DNAI3: variants seen among roughly 807,000 people sequenced by gnomAD.
DNAI3 encodes the protein WD repeat domain 63.
A neutral mutation model predicts 115.5 loss-of-function variants in DNAI3; 83 were observed. The observed-to-expected ratio is 0.72, with a 90% CI of 0.60 to 0.86. DNAI3 has a LOEUF of 0.86. DNAI3 is among the 40% of genes least tolerant of loss of function. DNAI3 has a pLI of 0.00. For synonymous variants in DNAI3, 320 were observed against 347.0 expected, an observed-to-expected ratio of 0.92 and a Z score of 0.86; for missense variants, 1,004 against 1,075.8, an observed-to-expected ratio of 0.93 and a Z score of 0.93.
intron 5 of DNAI3, among the ~76,000 whole-genome samples, chr1:85,082,843 C>G (rs1173538374): frequency 6.6e-6 from 1 of 152,070 alleles, no homozygotes; most frequent in African/African-American, 2.4e-5. Context: ...GCAGATTTGC[C>G]CTTCGTTGAC....
chr1:85,115,416 A>C (rs1346697197), intron 16 of DNAI3, among the ~76,000 whole-genome samples: 1 of 152,228 alleles, frequency 6.6e-6, no homozygotes, highest in Admixed American at 6.5e-5. Flanking sequence ...GTGAGGACTG[A>C]ATGAAATGGT....
intron 14 of DNAI3, among the ~76,000 whole-genome samples, chr1:85,107,801 CT>C (rs1336548373): frequency 7.9e-5 from 12 of 152,084 alleles, no homozygotes; most frequent in African/African-American, 2.9e-4. Flanking sequence ...TTGCATCAAA[CT>C]CAATTCTCAT....
chr1:85,100,339 A>C (rs945520708), intron 13 of DNAI3, among the ~76,000 whole-genome samples: 1 of 152,270 alleles, frequency 6.6e-6, no homozygotes, highest in African/African-American at 2.4e-5. Flanking sequence ...TCTCAAAAGA[A>C]GACATTTATG....
At chr1:85,067,911 T>C (rs1321731552) in intron 1 of DNAI3, among the ~76,000 whole-genome samples, 1 of 152,240 alleles carries the variant, frequency 6.6e-6, no homozygotes, top group Non-Finnish European at 1.5e-5. Context: ...GTGAGACCTG[T>C]GTCAGATATC....
At chr1:85,074,301 C>T (rs1408841266) in intron 3 of DNAI3, among the ~76,000 whole-genome samples, 1 of 152,212 alleles carries the variant, frequency 6.6e-6, no homozygotes, top group Non-Finnish European at 1.5e-5. Context: ...CATGCTTAAA[C>T]TCCTCTTTCT....
intron 19 of DNAI3, among the ~76,000 whole-genome samples, chr1:85,126,196 C>T (rs972508865): frequency 6.6e-6 from 1 of 152,168 alleles, no homozygotes; most frequent in African/African-American, 2.4e-5. Context: ...TAATGTCCAC[C>T]AATTTCCACA....
chr1:85,085,820 A>T lies in DNAI3; in HGVS notation c.541-11A>T, dbSNP rs199670893. On this transcript the variant is annotated splice_polypyrimidine_tract_variant and intron_variant, in intron 6 of 22. Coordinates refer to ENST00000294664, the MANE Select transcript of DNAI3 (RefSeq NM_145172.5). Reference sequence around the variant, plus strand: ...TCATTATGTTACCTTTACTGTTTACATGTGTTACAGATTACATATATGATT... The same window carrying T: ...TCATTATGTTACCTTTACTGTTTACTTGTGTTACAGATTACATATATGATT... 1.2e-6 allele frequency: 2 copies of T among 1,612,420 alleles called. No homozygotes were observed. The highest frequency in any genetic ancestry group is 2.2e-5 in the South Asian group (2 of 90,996).
rs765471826 is a variant in DNAI3 at position 85,090,118 on chromosome 1, C to T, written c.743C>T (p.Thr248Ile). Residue 248 changes from threonine (T) to isoleucine (I), a missense_variant and splice_region_variant, in exon 8 of 23, where the codon ACA becomes ATA. Thr to Ile is a moderately conservative substitution (Grantham distance 89). Transcript: ENST00000294664. ...IKDISTQTKW[T>I]YPKNATTQYY... ...TGAATTTTCTTTTAATATATTAGGACATATCCTAAAAATGCTACTACGCAA... is the reference window on the plus strand; with the variant it reads ...TGAATTTTCTTTTAATATATTAGGATATATCCTAAAAATGCTACTACGCAA... The T allele has an allele frequency of 6.6e-7, 1 of 1,515,702 alleles. No homozygotes were observed. The highest frequency in any genetic ancestry group is 2.0e-5 in the Admixed American group (1 of 49,380). 93.9% of individuals were successfully genotyped at this position (1,515,702 alleles called of 1,614,324 possible). A position where few individuals can be genotyped will look rare whatever the true frequency, so the allele number is the denominator to read the frequency against.
At chr1:85,088,966 T>C (rs916377867) in intron 7 of DNAI3, among the ~76,000 whole-genome samples, 2 of 152,154 alleles carry the variant, frequency 1.3e-5, no homozygotes, top group African/African-American at 4.8e-5. Context: ...CTATGGATAC[T>C]GACCTAAACA....
At chr1:85,071,754 G>A (rs1402892769) in intron 1 of DNAI3, among the ~76,000 whole-genome samples, 174 bp from the exon 2 acceptor site, 2 of 152,196 alleles carry the variant, frequency 1.3e-5, no homozygotes, top group Non-Finnish European at 2.9e-5. Flanking sequence ...GATTGTTGTT[G>A]CAATAAGCCT....
intron 5 of DNAI3, 114 bp downstream of exon 5, chr1:85,082,518 C>A: frequency 1.3e-6 from 1 of 778,510 alleles, no homozygotes; most frequent in Non-Finnish European, 2.1e-6. Flanking sequence ...CAATCATGGT[C>A]ACTGCAACGT....
At chr1:85,118,451 G>A (rs1655897512) in intron 17 of DNAI3, among the ~76,000 whole-genome samples, 1 of 152,134 alleles carries the variant, frequency 6.6e-6, no homozygotes, top group Non-Finnish European at 1.5e-5. Flanking sequence ...GAAGAAATGA[G>A]GCTCAGAACT....
At chr1:85,097,429 A>T (rs1655155766) in intron 11 of DNAI3, 140 bp from the exon 12 acceptor site, 1 of 548,170 alleles carries the variant, frequency 1.8e-6, no homozygotes, top group Non-Finnish European at 2.9e-6. Context: ...AAAATTGCTG[A>T]CTTACTTAAG....
intron 1 of DNAI3, among the ~76,000 whole-genome samples, chr1:85,067,179 A>T (rs1417117798): frequency 6.6e-6 from 1 of 152,222 alleles, no homozygotes; most frequent in African/African-American, 2.4e-5. Flanking sequence ...GTGCCTAGAA[A>T]TGTAGATATT....
chr1:85,104,321 C>A (rs1655421580), intron 13 of DNAI3, among the ~76,000 whole-genome samples: 1 of 152,048 alleles, frequency 6.6e-6, no homozygotes, highest in African/African-American at 2.4e-5. Context: ...AGGCTTTCAC[C>A]GTGTTAGCCA....
intron 3 of DNAI3, among the ~76,000 whole-genome samples, chr1:85,074,729 TA>T (rs1162570187): frequency 6.6e-6 from 1 of 152,220 alleles, no homozygotes; most frequent in African/African-American, 2.4e-5. Flanking sequence ...CTATTGCTCC[TA>T]GGGGAAACAC....
intron 16 of DNAI3, 131 bp from the exon 17 acceptor site, chr1:85,117,598 C>T: frequency 8.0e-7 from 1 of 1,256,264 alleles, no homozygotes; most frequent in Non-Finnish European, 1.1e-6. Context: ...AATGCTTGGA[C>T]TTATGCTCAC....
At chr1:85,110,228 G>T in intron 16 of DNAI3, 93 bp downstream of exon 16, 2 of 1,070,968 alleles carry the variant, frequency 1.9e-6, no homozygotes, top group Non-Finnish European at 2.7e-6. Flanking sequence ...GAGGCGGGCG[G>T]ATCACGAGGT....
intron 17 of DNAI3, among the ~76,000 whole-genome samples, chr1:85,118,396 C>T (rs2168868): frequency 0.63 from 95,517 of 151,948 alleles, 31,402 homozygotes; most frequent in South Asian, 0.83. Context: ...CCATTTAATC[C>T]CAGTAATCCT....
Sources: gnomAD v4.1 joint callset for allele counts (sites outside exome capture counted in the v4.1 genomes callset) on GRCh38, gnomAD v4.1.1 for gene constraint, MANE v1.5 for transcripts, NCBI Gene and HGNC (gene_info 2026-07-23, HGNC 2026-07-21) for gene names.